The following IMMP2L variants were observed in gnomAD, a reference collection of about 807,000 sequenced individuals.
IMMP2L encodes inner mitochondrial membrane peptidase subunit 2, also known as mitochondrial inner membrane protease subunit 2.
A neutral mutation model predicts 19.3 loss-of-function variants in IMMP2L; 18 were observed. The ratio of observed to expected loss-of-function variants is 0.93; its 90% confidence interval spans 0.64 to 1.38. IMMP2L has a LOEUF of 1.38. Among genes scored for constraint, IMMP2L ranks in the 40% most tolerant of loss-of-function variants. The pLI is 0.00. For missense variants in IMMP2L, 233 were observed against 218.2 expected (o/e 1.07, Z -0.43); for synonymous variants, 76 against 73.0 (o/e 1.04, Z -0.21).
At chr7:110,690,977 A>G (rs1584512752) in intron 5 of IMMP2L, among the ~76,000 whole-genome samples, 1 of 152,184 alleles carries the variant, frequency 6.6e-6, no homozygotes, top group East Asian at 1.9e-4. Context: ...CAGTCCCCAA[A>G]TTAATATGGA....
At chr7:111,085,317 G>C (rs1205097569) in intron 3 of IMMP2L, among the ~76,000 whole-genome samples, 1 of 152,170 alleles carries the variant, frequency 6.6e-6, no homozygotes, top group Non-Finnish European at 1.5e-5. Flanking sequence ...GGTCTTTGTG[G>C]AATCACTGTC....
chr7:111,314,303 C>T (rs1823819741), intron 3 of IMMP2L, among the ~76,000 whole-genome samples: 1 of 151,990 alleles, frequency 6.6e-6, no homozygotes. Flanking sequence ...ACAGACCTGA[C>T]AAAGCATAAG....
rs536975971 is a variant in IMMP2L, at chr7:111,408,200, G to A, written c.239+79038C>T. Among the ~76,000 whole-genome samples, 51 of 149,442 alleles carry A rather than the reference G, an allele frequency of 3.4e-4. 3 individuals carry two copies. The highest frequency in any genetic ancestry group is 1.0e-3 in the African/African-American group (39 of 39,060). On this transcript the variant is annotated intron_variant, in intron 3 of 5. Coordinates refer to ENST00000405709, the MANE Select transcript of IMMP2L (RefSeq NM_032549.4). ...ACATGGTAAGTTCCCTGTAAGTAGC[G>A]TATTTAAGATTTTCCAATAAGTGAC...
chr7:110,796,151 A>C (rs978467409), intron 5 of IMMP2L, among the ~76,000 whole-genome samples: 11 of 152,000 alleles, frequency 7.2e-5, no homozygotes, highest in Non-Finnish European at 1.0e-4. Flanking sequence ...CACCATGATT[A>C]TAAGCTTCCG....
At chr7:111,223,056 T>C (rs1296568906) in intron 3 of IMMP2L, among the ~76,000 whole-genome samples, 1 of 151,976 alleles carries the variant, frequency 6.6e-6, no homozygotes, top group Non-Finnish European at 1.5e-5. Flanking sequence ...AAAAAAACTG[T>C]TGCAAAATGA....
chr7:111,396,323 C>T (rs1349890774), intron 3 of IMMP2L, among the ~76,000 whole-genome samples: 1 of 152,076 alleles, frequency 6.6e-6, no homozygotes, highest in African/African-American at 2.4e-5. Flanking sequence ...GAATACTATG[C>T]AGCCATAAAA....
chr7:110,787,406 G>A (rs554917292), intron 5 of IMMP2L, among the ~76,000 whole-genome samples: 1 of 151,954 alleles, frequency 6.6e-6, no homozygotes, highest in Non-Finnish European at 1.5e-5. Context: ...GTTGAGGGTA[G>A]AGGAGGGCTT....
chr7:110,871,430 C>T (rs924100735), intron 5 of IMMP2L, among the ~76,000 whole-genome samples: 13 of 151,918 alleles, frequency 8.6e-5, no homozygotes, highest in African/African-American at 2.9e-4. Flanking sequence ...ATGTAAAGGA[C>T]GCCTAGAAAA....
At chr7:111,217,614 A>T (rs2129619946) in intron 3 of IMMP2L, among the ~76,000 whole-genome samples, 1 of 152,258 alleles carries the variant, frequency 6.6e-6, no homozygotes, top group Non-Finnish European at 1.5e-5. Context: ...AGTCAGAAAG[A>T]GAATTGTGAC....
At chr7:110,986,722 T>G (rs1362841637) in intron 3 of IMMP2L, among the ~76,000 whole-genome samples, 1 of 152,124 alleles carries the variant, frequency 6.6e-6, no homozygotes, top group East Asian at 1.9e-4. Flanking sequence ...ATAGCTTCTC[T>G]TGGCCTCAGC....
chr7:111,165,284 T>C (rs1017149129), intron 3 of IMMP2L, among the ~76,000 whole-genome samples: 2 of 152,082 alleles, frequency 1.3e-5, no homozygotes, highest in African/African-American at 4.8e-5. Flanking sequence ...TGACAGTCAA[T>C]TGTACATATA....
chr7:111,310,839 T>C (rs1823436222), intron 3 of IMMP2L, among the ~76,000 whole-genome samples: 1 of 152,140 alleles, frequency 6.6e-6, no homozygotes, highest in Non-Finnish European at 1.5e-5. Context: ...TGACTGGCTC[T>C]AGTAAAAAAG....
chr7:111,061,041 G>GAA lies in IMMP2L; in HGVS notation c.240-97478_240-97477dup, dbSNP rs538139090. Among the ~76,000 whole-genome samples the GAA allele has an allele frequency of 3.0e-4, 46 of 152,252 alleles. 1 individual carries two copies. The South Asian group carries it at 8.3e-3, about 27-fold the overall frequency. On this transcript the variant is annotated intron_variant, in intron 3 of 5. Coordinates refer to ENST00000405709, the MANE Select transcript of IMMP2L (RefSeq NM_032549.4). ...TCAAAAATAGACTAGACTTGCAATA[G>GAA]AACAGTGTTTATTTTCATGGTTGCA...
chr7:110,902,146 T>C (rs1416002167), intron 4 of IMMP2L, among the ~76,000 whole-genome samples: 1 of 151,922 alleles, frequency 6.6e-6, no homozygotes, highest in African/African-American at 2.4e-5. Context: ...TTAAGGGGGA[T>C]TAAAATTTTA....
chr7:111,122,824 A>G (rs1800816776), intron 3 of IMMP2L: 1 of 1,613,924 alleles, frequency 6.2e-7, no homozygotes, highest in South Asian at 1.1e-5. Flanking sequence ...AGCTATCACT[A>G]CACTAGTACA....
At chr7:110,963,177 A>T in intron 4 of IMMP2L, 1 of 1,010,910 alleles carries the variant, frequency 9.9e-7, no homozygotes. Context: ...GAACCTTAAC[A>T]TCATAATCTT....
Position 110,950,841 on chromosome 7 carries a change from C to CATATATATAT in IMMP2L, c.305+12649_305+12658dup, listed in dbSNP as rs34797718. Among the ~76,000 whole-genome samples, 888 of 100,488 alleles carry CATATATATAT rather than the reference C, an allele frequency of 8.8e-3. 4 individuals carry two copies. Among genetic ancestry groups the CATATATATAT allele is most frequent in the Non-Finnish European group, 0.012 (619 of 52,370 alleles). 65.9% of individuals were successfully genotyped at this position (100,488 alleles called of 152,430 possible). On this transcript the variant is annotated intron_variant, in intron 4 of 5. Transcript: ENST00000405709. ...AGATGAATGGATACACAAAATGTGGCATATATATATATATATATATATATA... is the reference window on the plus strand; with the variant it reads ...AGATGAATGGATACACAAAATGTGGCATATATATATATATATATATATATATATATATATA...
intron 4 of IMMP2L, among the ~76,000 whole-genome samples, chr7:110,909,425 T>C (rs1395975624): frequency 6.6e-6 from 1 of 152,090 alleles, no homozygotes; most frequent in African/African-American, 2.4e-5. Flanking sequence ...AGCCAGACAA[T>C]GTAGCATGGC....
At chr7:111,047,199 T>A (rs1792492929) in intron 3 of IMMP2L, among the ~76,000 whole-genome samples, 1 of 148,004 alleles carries the variant, frequency 6.8e-6, no homozygotes, top group African/African-American at 2.6e-5. Context: ...TTTTTTTTGT[T>A]TTTTTTGAGA....
Sources: gnomAD v4.1 joint callset for allele counts (sites outside exome capture counted in the v4.1 genomes callset) on GRCh38, gnomAD v4.1.1 for gene constraint, MANE v1.5 for transcripts, NCBI Gene and HGNC (gene_info 2026-07-23, HGNC 2026-07-21) for gene names.